The following DGKB variants were observed in gnomAD, a reference collection of about 807,000 sequenced individuals.
The protein encoded by DGKB is diacylglycerol kinase beta, also known as 90 kDa diacylglycerol kinase.
A neutral mutation model predicts 114.3 loss-of-function variants in DGKB; 67 were observed. The ratio of observed to expected loss-of-function variants is 0.59; its 90% CI spans 0.48 to 0.72. The LOEUF (loss-of-function observed/expected upper bound fraction) is 0.72. Ranked by LOEUF, DGKB falls within the 30% of genes least tolerant of loss-of-function variation. DGKB has a pLI of 0.00. For synonymous variants in DGKB, 398 were observed against 323.1 expected, an observed-to-expected ratio of 1.23 and a Z score of -2.49; for missense variants, 907 against 975.2, an observed-to-expected ratio of 0.93 and a Z score of 0.93.
intron 20 of DGKB, among the ~76,000 whole-genome samples, chr7:14,481,723 T>C (rs891150384): frequency 6.6e-6 from 1 of 151,986 alleles, no homozygotes; most frequent in Non-Finnish European, 1.5e-5. Flanking sequence ...ATTTAGTTCT[T>C]CCTTGTTTTT....
chr7:14,904,572 G>A (rs1783573016), upstream of DGKB, among the ~76,000 whole-genome samples: 1 of 152,112 alleles, frequency 6.6e-6, no homozygotes, highest in African/African-American at 2.4e-5. Context: ...AATGAGCAAA[G>A]CATTTATCAA....
chr7:14,884,305 A>C (rs2128217950), intron 1 of DGKB, among the ~76,000 whole-genome samples: 1 of 152,064 alleles, frequency 6.6e-6, no homozygotes. Flanking sequence ...TTGAAACGGA[A>C]CCATTTAACT....
chr7:14,590,745 C>T (rs947588997), intron 17 of DGKB, among the ~76,000 whole-genome samples: 12 of 152,088 alleles, frequency 7.9e-5, no homozygotes, highest in East Asian at 3.9e-4. Context: ...ATTAACACCA[C>T]GTGGTTTGTT....
chr7:14,179,211 A>G (rs1215266312), intron 23 of DGKB, among the ~76,000 whole-genome samples: 3 of 152,102 alleles, frequency 2.0e-5, no homozygotes, highest in African/African-American at 7.2e-5. Context: ...CAGAAGTTGA[A>G]CTCACATCAA....
chr7:14,952,909 C>T (rs1786285037), intron 1 of DGKB, among the ~76,000 whole-genome samples: 1 of 152,094 alleles, frequency 6.6e-6, no homozygotes, highest in East Asian at 1.9e-4. Context: ...TAGAAATAAA[C>T]CATCACATTT....
At chr7:14,342,497 A>G (rs577231694) in intron 22 of DGKB, among the ~76,000 whole-genome samples, 22 of 152,050 alleles carry the variant, frequency 1.4e-4, no homozygotes, top group African/African-American at 4.8e-4. Context: ...CTTTTGTAAT[A>G]AAGTTAGAAG....
intron 22 of DGKB, among the ~76,000 whole-genome samples, chr7:14,340,159 CTTTTTT>C (rs35208788): frequency 2.2e-5 from 2 of 89,174 alleles, no homozygotes; most frequent in Non-Finnish European, 4.3e-5. Context: ...CTGGATGATG[CTTTTTT>C]TTTTTTTTTT....
chr7:14,760,238 A>AT (rs1835491618), intron 2 of DGKB, among the ~76,000 whole-genome samples: 1 of 151,780 alleles, frequency 6.6e-6, no homozygotes, highest in South Asian at 2.1e-4. Flanking sequence ...ATCAGAGTTA[A>AT]TTTTTTATGT....
At chr7:14,490,975 G>A (rs1369362068) in intron 20 of DGKB, among the ~76,000 whole-genome samples, 2 of 151,644 alleles carry the variant, frequency 1.3e-5, no homozygotes, top group Non-Finnish European at 2.9e-5. Flanking sequence ...TGCAGAAACA[G>A]GAGAGATGCT....
rs79846818 is a variant in DGKB, at chr7:14,216,039, C to T, written c.2123-37888G>A. 5.5e-3 allele frequency among the ~76,000 whole-genome samples: 830 copies of T among 152,124 alleles called. 7 individuals are homozygous for T. The highest frequency in any genetic ancestry group is 0.019 in the African/African-American group (798 of 41,512). On this transcript the variant is annotated intron_variant, in intron 23 of 25. Coordinates refer to ENST00000402815, the MANE Select transcript of DGKB (RefSeq NM_001350709.2). ...TGTTAGAACTTTAAAGAGTTGAAAA[C>T]AAGCAGATAACATTCTTGCCTTCCT... is the stretch of plus-strand genomic sequence containing the variant.
intron 20 of DGKB, among the ~76,000 whole-genome samples, chr7:14,538,224 G>A (rs73287762): frequency 6.6e-6 from 1 of 151,864 alleles, no homozygotes; most frequent in East Asian, 1.9e-4. Context: ...TTGAAAAGTG[G>A]TTAATTTCCA....
At chr7:14,559,688 T>G (rs1263095975) in intron 20 of DGKB, among the ~76,000 whole-genome samples, 1 of 152,304 alleles carries the variant, frequency 6.6e-6, no homozygotes, top group South Asian at 2.1e-4. Flanking sequence ...AAATAAAATA[T>G]TTAGCAGTTG....
At chr7:14,963,227 G>A (rs1040239256) in intron 1 of DGKB, among the ~76,000 whole-genome samples, 1 of 152,062 alleles carries the variant, frequency 6.6e-6, no homozygotes, top group African/African-American at 2.4e-5. Flanking sequence ...TTACTAAAAG[G>A]AGAACCTTAT....
intron 13 of DGKB, among the ~76,000 whole-genome samples, chr7:14,662,200 T>C (rs1324628877): frequency 9.6e-6 from 1 of 104,158 alleles, no homozygotes; most frequent in Non-Finnish European, 2.1e-5. Context: ...AAACTTAAAG[T>C]ATAATAATTA....
chr7:14,268,228 C>T (rs1166811639), intron 23 of DGKB, among the ~76,000 whole-genome samples: 1 of 151,588 alleles, frequency 6.6e-6, no homozygotes, highest in Admixed American at 6.6e-5. Flanking sequence ...CACACACACA[C>T]ACCACACACA....
At chr7:14,305,326 C>T (rs574748474) in intron 23 of DGKB, among the ~76,000 whole-genome samples, 30 of 152,146 alleles carry the variant, frequency 2.0e-4, no homozygotes, top group Non-Finnish European at 3.2e-4. Context: ...ATGCTACTTA[C>T]TACCTCCATG....
At chr7:14,841,518 G>C (rs796818106) in intron 1 of DGKB, 68 bp from the exon 2 acceptor site, 7 of 351,308 alleles carry the variant, frequency 2.0e-5, no homozygotes, top group African/African-American at 1.3e-4. Context: ...AAAATGTCAA[G>C]GTGTTGAATG....
chr7:14,416,771 T>C (rs977757952), intron 21 of DGKB, among the ~76,000 whole-genome samples: 2 of 152,142 alleles, frequency 1.3e-5, no homozygotes. Flanking sequence ...GGTATGTCTT[T>C]ATCAGCAGTG....
At chr7:14,319,228 G>T (rs1420434991) in intron 23 of DGKB, among the ~76,000 whole-genome samples, 2 of 151,652 alleles carry the variant, frequency 1.3e-5, no homozygotes, top group Admixed American at 6.6e-5. Flanking sequence ...CGTGGCACAT[G>T]TATACGTATG....
Sources: gnomAD v4.1 joint callset for allele counts (sites outside exome capture counted in the v4.1 genomes callset) on GRCh38, gnomAD v4.1.1 for gene constraint, MANE v1.5 for transcripts, NCBI Gene and HGNC (gene_info 2026-07-23, HGNC 2026-07-21) for gene names.